INPP4B: variants seen among roughly 807,000 people sequenced by gnomAD.
The protein encoded by INPP4B is inositol polyphosphate 4-phosphatase type II.
A neutral mutation model predicts 122.5 loss-of-function variants in INPP4B; 55 were observed. The ratio of observed to expected loss-of-function variants is 0.45; its 90% CI spans 0.36 to 0.56. The LOEUF (loss-of-function observed/expected upper bound fraction) is 0.56, where lower values mean the gene tolerates loss of function less well. INPP4B is among the 20% of genes least tolerant of loss of function. The pLI is 0.00. For synonymous variants in INPP4B, 403 were observed against 388.7 expected, an observed-to-expected ratio of 1.04 and a Z score of -0.43; for missense variants, 1,000 against 1,097.7, an observed-to-expected ratio of 0.91 and a Z score of 1.26.
At chr4:142,325,506 A>G (rs1217779683) in intron 7 of INPP4B, among the ~76,000 whole-genome samples, 3 of 152,222 alleles carry the variant, frequency 2.0e-5, no homozygotes, top group African/African-American at 7.2e-5. Context: ...CTTGGGTTTT[A>G]CTCACTAAAT....
intron 2 of INPP4B, among the ~76,000 whole-genome samples, chr4:142,587,863 CTAGA>C (rs1736567777): frequency 6.6e-6 from 1 of 151,860 alleles, no homozygotes; most frequent in African/African-American, 2.4e-5. Context: ...AATATAAAAA[CTAGA>C]TAGAGACACT....
intron 18 of INPP4B, among the ~76,000 whole-genome samples, chr4:142,128,283 A>G (rs925443014): frequency 3.6e-4 from 55 of 151,722 alleles, no homozygotes; most frequent in Non-Finnish European, 2.9e-5. Flanking sequence ...CTTAGTTGAA[A>G]CTTGAAAAAA....
intron 2 of INPP4B, among the ~76,000 whole-genome samples, chr4:142,576,640 G>T (rs186458699): frequency 6.6e-6 from 1 of 151,802 alleles, no homozygotes; most frequent in African/African-American, 2.4e-5. Context: ...CATTTATAAG[G>T]CCCTTTCAGT....
At chr4:142,811,434 C>T (rs1279278781) in intron 1 of INPP4B, among the ~76,000 whole-genome samples, 1 of 152,220 alleles carries the variant, frequency 6.6e-6, no homozygotes, top group Non-Finnish European at 1.5e-5. Context: ...CCTCCAACTG[C>T]ATGAACATGC....
At chr4:142,683,793 C>T (rs1389206483) in intron 2 of INPP4B, among the ~76,000 whole-genome samples, 5 of 151,716 alleles carry the variant, frequency 3.3e-5, no homozygotes, top group South Asian at 2.1e-4. Flanking sequence ...CAATCTATTA[C>T]GTACTGCAAA....
intron 2 of INPP4B, among the ~76,000 whole-genome samples, chr4:142,563,055 G>C (rs1031788696): frequency 6.6e-6 from 1 of 152,224 alleles, no homozygotes; most frequent in Non-Finnish European, 1.5e-5. Flanking sequence ...TTTAAAGACA[G>C]CTGTGTTTAG....
intron 17 of INPP4B, among the ~76,000 whole-genome samples, chr4:142,159,855 G>A (rs867657761): frequency 9.2e-5 from 14 of 151,870 alleles, no homozygotes; most frequent in Admixed American, 3.9e-4. Flanking sequence ...GTAAACTTTA[G>A]AGCACCTAGA....
At chr4:142,455,412 G>A (rs1357977176) in intron 3 of INPP4B, among the ~76,000 whole-genome samples, 4 of 151,942 alleles carry the variant, frequency 2.6e-5, no homozygotes, top group African/African-American at 9.7e-5. Context: ...GAGAACATAT[G>A]ATATTTGTCT....
intron 21 of INPP4B, 23 bp from the exon 22 acceptor site, chr4:142,112,705 G>T: frequency 6.3e-7 from 1 of 1,588,260 alleles, no homozygotes; most frequent in Non-Finnish European, 8.5e-7. Context: ...GAGGACAAAG[G>T]GAAGAAACAT....
intron 25 of INPP4B, among the ~76,000 whole-genome samples, chr4:142,060,459 G>GAGACA (rs1760027156): frequency 6.6e-6 from 1 of 152,142 alleles, no homozygotes; most frequent in South Asian, 2.1e-4. Context: ...ATTACACAGT[G>GAGACA]AGACAAAGTT....
At chr4:142,347,460 A>G in intron 7 of INPP4B, 2 of 428,908 alleles carry the variant, frequency 4.7e-6, no homozygotes, top group Non-Finnish European at 9.2e-6. Context: ...CAGCTGACAC[A>G]TAAAATGAAG....
intron 2 of INPP4B, among the ~76,000 whole-genome samples, chr4:142,703,028 C>A (rs1291505237): frequency 6.6e-6 from 1 of 152,124 alleles, no homozygotes; most frequent in Non-Finnish European, 1.5e-5. Flanking sequence ...TTATTTTGTG[C>A]AAGTTACTTA....
At chr4:142,123,222 G>A (rs1797297631) in intron 20 of INPP4B, 70 bp downstream of exon 20, 9 of 1,309,114 alleles carry the variant, frequency 6.9e-6, no homozygotes, top group South Asian at 1.7e-5. Flanking sequence ...ATGTTTTCTT[G>A]AAAAATTTCT....
chr4:142,545,750 T>C (rs1829521122), intron 2 of INPP4B, among the ~76,000 whole-genome samples: 2 of 146,638 alleles, frequency 1.4e-5, no homozygotes, highest in Non-Finnish European at 1.5e-5. Flanking sequence ...TGTGTATATA[T>C]ATACACATGT....
chr4:142,192,998 T>C (rs1224232939), intron 15 of INPP4B, 89 bp downstream of exon 15: 2 of 742,852 alleles, frequency 2.7e-6, no homozygotes, highest in Non-Finnish European at 4.8e-6. Context: ...GAACTATACA[T>C]TGTGATGGAC....
intron 5 of INPP4B, chr4:142,426,899 A>G (rs1808200188): frequency 6.6e-6 from 1 of 152,004 alleles, no homozygotes; most frequent in Non-Finnish European, 1.5e-5. Flanking sequence ...AGTTAAAATT[A>G]GACGAAAAAG....
Position 142,123,399 on chromosome 4 carries a change from C to A in INPP4B, c.1910G>T (p.Cys637Phe). 1 of 1,610,462 alleles carries A rather than the reference C, an allele frequency of 6.2e-7. No homozygotes were observed. The highest frequency in any genetic ancestry group is 8.5e-7 in the Non-Finnish European group (1 of 1,178,750). Residue 637 changes from cysteine (C) to phenylalanine (F), a missense_variant, in exon 20 of 26, where the codon TGT (cysteine) becomes TTT (phenylalanine). Cys to Phe is a radical substitution (Grantham distance 205). Coordinates refer to ENST00000262992, the MANE Select transcript of INPP4B (RefSeq NM_001101669.3). ...VFSQALAGLVCGFIIKLQTSL... is the reference protein window; with the variant it reads ...VFSQALAGLVFGFIIKLQTSL... Reference sequence around the variant, plus strand: ...TGTCTGTAATTTGATGATAAAACCACAAACCAATCCAGCAAGCTGAAAAAA... The same window carrying A: ...TGTCTGTAATTTGATGATAAAACCAAAAACCAATCCAGCAAGCTGAAAAAA...
intron 12 of INPP4B, among the ~76,000 whole-genome samples, chr4:142,233,680 A>G (rs972289991): frequency 6.6e-6 from 1 of 152,184 alleles, no homozygotes; most frequent in Non-Finnish European, 1.5e-5. Flanking sequence ...AAAAAACTTC[A>G]GAGTAAAGCT....
At chr4:142,480,698 T>G (rs151326240) in intron 2 of INPP4B, among the ~76,000 whole-genome samples, 8 of 152,096 alleles carry the variant, frequency 5.3e-5, no homozygotes, top group African/African-American at 1.7e-4. Context: ...AGCGAATGAG[T>G]TGATGATAAA....
Sources: gnomAD v4.1 joint callset for allele counts (sites outside exome capture counted in the v4.1 genomes callset) on GRCh38, gnomAD v4.1.1 for gene constraint, MANE v1.5 for transcripts, NCBI Gene and HGNC (gene_info 2026-07-23, HGNC 2026-07-21) for gene names.